ENOSF1: variants seen among roughly 807,000 people sequenced by gnomAD.
ENOSF1 encodes the protein enolase superfamily member 1.
A neutral mutation model predicts 68.2 loss-of-function variants in ENOSF1; 73 were observed. The observed-to-expected ratio is 1.07, with a 90% CI of 0.89 to 1.30. The LOEUF (loss-of-function observed/expected upper bound fraction) is 1.30, where lower values mean the gene tolerates loss of function less well. ENOSF1 is among the 50% of genes most tolerant of loss of function. The probability of loss-of-function intolerance (pLI) is 0.00; values close to 1 mark genes in which losing one functional copy is unlikely to be tolerated. For missense variants in ENOSF1, 589 were observed against 554.5 expected (o/e 1.06, Z -0.62); for synonymous variants, 223 against 210.4 (o/e 1.06, Z -0.52).
intron 2 of ENOSF1, among the ~76,000 whole-genome samples, chr18:701,939 G>GATAAATAAATAA (rs142996189): frequency 0.029 from 4,334 of 148,098 alleles, 159 homozygotes; most frequent in African/African-American, 0.088. Context: ...TAAATACATA[G>GATAAATAAATAA]ATAAATAAAT....
rs1005088790 is a variant in ENOSF1, at chr18:706,451, G to A, written c.193+19C>T. On this transcript the variant is annotated intron_variant, in intron 2 of 15. Transcript: ENST00000647584. ...TGAAAATTAAGCATTCTGGAACCTC[G>A]AGAGAATCTTCAACTCACCAACTTC... 16 of 1,513,172 alleles carry A rather than the reference G, an allele frequency of 1.1e-5. No individual in the cohort carries two copies. Among genetic ancestry groups the A allele is most frequent in the African/African-American group, 2.7e-5 (2 of 72,974 alleles). 93.7% of individuals were successfully genotyped at this position (1,513,172 alleles called of 1,614,324 possible).
At chr18:676,059 A>T (rs114780738) in intron 14 of ENOSF1, among the ~76,000 whole-genome samples, 3,781 of 152,268 alleles carry the variant, frequency 0.025, 159 homozygotes, top group African/African-American at 0.086. Context: ...CCACCCAAAA[A>T]ATAAAATCAC....
intron 2 of ENOSF1, among the ~76,000 whole-genome samples, chr18:698,182 A>AC (rs2077948066): frequency 6.6e-6 from 1 of 152,248 alleles, no homozygotes; most frequent in Admixed American, 6.5e-5. Flanking sequence ...CTGAGTAGAG[A>AC]ACACATTGTG....
chr18:677,926 G>T, intron 12 of ENOSF1, 54 bp from the exon 13 acceptor site: 1 of 1,583,434 alleles, frequency 6.3e-7, no homozygotes, highest in Non-Finnish European at 8.6e-7. Flanking sequence ...TGGCCTTCAG[G>T]ATCTCTAAAC....
chr18:692,607 A>AAG, intron 5 of ENOSF1: 6 of 746,444 alleles, frequency 8.0e-6, no homozygotes, highest in African/African-American at 2.0e-5. Context: ...AAAAAAAAAA[A>AAG]AAAGAAAGAA....
At chr18:666,916 G>T, downstream of ENOSF1, among the ~76,000 whole-genome samples, 3 of 49,850 alleles carry the variant, frequency 6.0e-5, 1 homozygote, top group Non-Finnish European at 1.7e-4. Context: ...TGGTGATGGT[G>T]ATGGAGATGG....
At chr18:706,816 T>TA (rs756834911) in intron 1 of ENOSF1, 5,067 of 93,536 alleles carry the variant, frequency 0.054, 97 homozygotes, top group Middle Eastern at 0.097. Flanking sequence ...TATATATATA[T>TA]TTTTTTTTTT....
chr18:687,463 G>A (rs2076719022), intron 9 of ENOSF1: 1 of 152,210 alleles, frequency 6.6e-6, no homozygotes, highest in South Asian at 2.1e-4. Context: ...AGGTGATGCT[G>A]GAGCTCCTGC....
chr18:670,668 TATCTTCCTCTGCTGGTTCCTCAG>T lies in ENOSF1; in HGVS notation c.*3614_*3636del. On this transcript the variant is annotated 3_prime_UTR_variant, in exon 16 of 16. Coordinates refer to ENST00000647584, the MANE Select transcript of ENOSF1 (RefSeq NM_017512.7). ...GGTCTTTCAAACCACCATCCCTCCT[TATCTTCCTCTGCTGGTTCCTCAG>T]ATCTTCCTCTGATGGCGCTGCCTCC... The T allele has an allele frequency of 1.2e-6, 2 of 1,612,044 alleles. No individual in the cohort carries two copies. Among genetic ancestry groups the T allele is most frequent in the Non-Finnish European group, 1.7e-6 (2 of 1,178,694 alleles).
At chr18:708,036 T>A (rs1263114995) in intron 1 of ENOSF1, among the ~76,000 whole-genome samples, 1 of 151,780 alleles carries the variant, frequency 6.6e-6, no homozygotes, top group African/African-American at 2.4e-5. Flanking sequence ...TTTTTTTTTT[T>A]TTTTAGTAAA....
intron 5 of ENOSF1, chr18:692,811 C>T (rs2077333538): frequency 9.6e-7 from 1 of 1,042,272 alleles, no homozygotes; most frequent in East Asian, 8.6e-5. Flanking sequence ...TGTCCTTCCC[C>T]TACGGATGGC....
chr18:677,651 A>C, intron 13 of ENOSF1, 92 bp downstream of exon 13: 1 of 1,480,358 alleles, frequency 6.8e-7, no homozygotes, highest in Non-Finnish European at 9.0e-7. Context: ...CAAACTACAG[A>C]CTCCCATGCA....
chr18:674,294 G>T lies in ENOSF1; in HGVS notation c.*11C>A, dbSNP rs770066255. ...CACTTCAGAAAGAAAAAAGTTGTTG[G>T]GGCTGAGCACTTAATTTTCTTGAGC... On this transcript the variant is annotated 3_prime_UTR_variant, in exon 16 of 16. Coordinates refer to ENST00000647584, the MANE Select transcript of ENOSF1 (RefSeq NM_017512.7). The T allele has an allele frequency of 3.2e-6, 5 of 1,586,418 alleles. No homozygotes were observed. The highest frequency in any genetic ancestry group is 4.3e-6 in the Non-Finnish European group (5 of 1,161,962).
In ENOSF1 at chr18:673,007, A is replaced by G; in HGVS notation, c.*1298T>C. On this transcript the variant is annotated 3_prime_UTR_variant, in exon 16 of 16. Transcript: ENST00000647584. ...GGAAATGGCTGTTTAGGGTGCTTTC[A>G]AAGGAGCTCGAAGGATATTGTCAGT... is the stretch of plus-strand genomic sequence containing the variant. 1 of 1,549,966 alleles carries G rather than the reference A, an allele frequency of 6.5e-7. No individual in the cohort carries two copies. The highest frequency in any genetic ancestry group is 8.8e-7 in the Non-Finnish European group (1 of 1,132,790).
chr18:679,842 C>T (rs570968651), intron 11 of ENOSF1, among the ~76,000 whole-genome samples: 1 of 152,294 alleles, frequency 6.6e-6, no homozygotes, highest in South Asian at 2.1e-4. Context: ...CCCTGGCTTC[C>T]CTTCCCTTTG....
In ENOSF1 at chr18:688,573, C is replaced by A; in HGVS notation, c.653+1G>T. Reference sequence around the variant, plus strand: ...AAAGTCAGGTCCATCATCACACTCACCTGGTCCAGCCATCCTTCAGCGCCT... The same window carrying A: ...AAAGTCAGGTCCATCATCACACTCAACTGGTCCAGCCATCCTTCAGCGCCT... On this transcript the variant is annotated splice_donor_variant, in intron 9 of 15. Coordinates refer to ENST00000647584, the MANE Select transcript of ENOSF1 (RefSeq NM_017512.7). LOFTEE classifies it high-confidence loss of function. 1 of 1,614,104 alleles carries A rather than the reference C, an allele frequency of 6.2e-7. No homozygotes were observed. The highest frequency in any genetic ancestry group is 8.5e-7 in the Non-Finnish European group (1 of 1,180,016).
In ENOSF1 at chr18:690,460, G is replaced by A. The variant is rs549940717; in HGVS notation, c.618+89C>T. On this transcript the variant is annotated intron_variant, in intron 8 of 15. Coordinates refer to ENST00000647584, the MANE Select transcript of ENOSF1 (RefSeq NM_017512.7). ...ACACACATCTGGTGTCAGAAGTGAG[G>A]TACTGAGAGTAGTGGTATGAGGACA... 3 of 1,397,892 alleles carry A rather than the reference G, an allele frequency of 2.1e-6. No individual in the cohort carries two copies. In the Admixed American group the frequency reaches 5.1e-5, roughly 24 times the overall value. The allele number at this position is 1,397,892 out of a possible 1,614,324, so 86.6% of individuals were successfully genotyped here. A position where few individuals can be genotyped will look rare whatever the true frequency, so the allele number is the denominator to read the frequency against.
rs757980419 is a variant in ENOSF1, at chr18:685,940, A to G, written c.722T>C (p.Ile241Thr). 18 of 1,613,830 alleles carry G rather than the reference A, an allele frequency of 1.1e-5. No homozygotes were observed. Among genetic ancestry groups the G allele is most frequent in the South Asian group, 4.4e-5 (4 of 91,072 alleles). ...MRRCQIIRDM[I>T]GPEKTLMMDA... The stretch of plus-strand genomic sequence containing the variant: ...ATTTACCAAAGTCTTTTCCGGTCCA[A>G]TCATGTCTCGGATGATTTGGCATCT... Residue 241 changes from isoleucine (I) to threonine (T), a missense_variant, in exon 10 of 16, where the codon ATT becomes ACT. By Grantham distance (89) the Ile-to-Thr change is moderately conservative (BLOSUM62 -1). Transcript: ENST00000647584.
rs1309384684 is a variant in ENOSF1, at chr18:673,711, T to G, written c.*594A>C. The G allele has an allele frequency of 2.0e-5, 1 of 50,428 alleles. No homozygotes were observed. The highest frequency in any genetic ancestry group is 3.3e-5 in the Non-Finnish European group (1 of 30,042). 3.1% of individuals were successfully genotyped at this position (50,428 alleles called of 1,614,324 possible). On this transcript the variant is annotated 3_prime_UTR_variant, in exon 16 of 16. Coordinates refer to ENST00000647584, the MANE Select transcript of ENOSF1 (RefSeq NM_017512.7). ...AATATAATGACCATTTAGGATAGAG[T>G]TTTTTTTTTTTTTTTTTAAACTTTT...
Sources: gnomAD v4.1 joint callset for allele counts (sites outside exome capture counted in the v4.1 genomes callset) on GRCh38, gnomAD v4.1.1 for gene constraint, MANE v1.5 for transcripts, NCBI Gene and HGNC (gene_info 2026-07-23, HGNC 2026-07-21) for gene names.